Variants in ODF2L observed in about 807,000 individuals in gnomAD.
ODF2L encodes protein BCAP.
ODF2L carries 76 observed loss-of-function variants against 86.3 expected under a neutral mutation model. That is an observed-to-expected ratio of 0.88 (90% CI 0.73 to 1.07). ODF2L has a LOEUF of 1.07. ODF2L is among the 50% of genes least tolerant of loss of function. The probability of loss-of-function intolerance (pLI) is 0.00; values close to 1 mark genes in which losing one functional copy is unlikely to be tolerated. For synonymous variants in ODF2L, 241 were observed against 231.3 expected, an observed-to-expected ratio of 1.04 and a Z score of -0.38; for missense variants, 748 against 717.4, an observed-to-expected ratio of 1.04 and a Z score of -0.49.
chr1:86,381,183 T>C (rs1196530445), intron 7 of ODF2L, among the ~76,000 whole-genome samples: 1 of 152,114 alleles, frequency 6.6e-6, no homozygotes, highest in Non-Finnish European at 1.5e-5. Context: ...CATAGCAAAA[T>C]TTTAGGATTT....
At chr1:86,382,801 T>C (rs927479695) in intron 6 of ODF2L, 130 bp downstream of exon 6, 77 of 631,616 alleles carry the variant, frequency 1.2e-4, no homozygotes, top group Non-Finnish European at 1.9e-4. Context: ...ACCTGTAAAA[T>C]ATCCAAATAA....
At chr1:86,379,286 C>T (rs533342156) in intron 7 of ODF2L, among the ~76,000 whole-genome samples, 66 of 152,294 alleles carry the variant, frequency 4.3e-4, no homozygotes, top group African/African-American at 1.4e-3. Flanking sequence ...ATCCTCTACA[C>T]ATTGGGGACC....
intron 7 of ODF2L, 40 bp downstream of exon 7, chr1:86,382,202 T>C (rs1660632983): frequency 1.3e-6 from 2 of 1,518,300 alleles, no homozygotes; most frequent in Non-Finnish European, 1.8e-6. Context: ...ATTAATTTTA[T>C]CACTTAAGCT....
At chr1:86,383,377 T>C (rs1178441572) in intron 4 of ODF2L, among the ~76,000 whole-genome samples, 181 bp from the exon 5 acceptor site, 5 of 151,860 alleles carry the variant, frequency 3.3e-5, no homozygotes, top group African/African-American at 1.2e-4. Flanking sequence ...CTGCAATTTA[T>C]GAAATTAGTT....
chr1:86,366,431 CACAT>C (rs71687334), intron 11 of ODF2L, among the ~76,000 whole-genome samples: 9,716 of 129,904 alleles, frequency 0.075, 445 homozygotes, highest in African/African-American at 0.18. Flanking sequence ...CACACACACA[CACAT>C]ACACATACAC....
chr1:86,387,183 AAC>A, intron 1 of ODF2L, 97 bp from the exon 2 acceptor site: 1 of 461,884 alleles, frequency 2.2e-6, no homozygotes, highest in Non-Finnish European at 3.8e-6. Context: ...GTAAAAGAAT[AAC>A]ATTTCAAAGA....
chr1:86,367,169 G>C (rs568054513), intron 11 of ODF2L, among the ~76,000 whole-genome samples: 1 of 152,260 alleles, frequency 6.6e-6, no homozygotes, highest in Non-Finnish European at 1.5e-5. Flanking sequence ...GAAAACCATG[G>C]AGCAAAGCCT....
intron 11 of ODF2L, among the ~76,000 whole-genome samples, chr1:86,363,434 T>C (rs1659182520): frequency 1.3e-5 from 2 of 152,174 alleles, no homozygotes; most frequent in African/African-American, 2.4e-5. Context: ...TTGGAGAGAT[T>C]TGTTTTAAAA....
intron 1 of ODF2L, among the ~76,000 whole-genome samples, chr1:86,394,400 A>G (rs1661555122): frequency 7.1e-6 from 1 of 141,038 alleles, no homozygotes; most frequent in Non-Finnish European, 1.5e-5. Flanking sequence ...CGGCAGAGCG[A>G]GACTCCATCT....
intron 8 of ODF2L, among the ~76,000 whole-genome samples, chr1:86,373,633 A>G (rs1052549975): frequency 5.3e-5 from 8 of 151,982 alleles, no homozygotes; most frequent in African/African-American, 1.9e-4. Flanking sequence ...TTCATGCTCT[A>G]TAGAGAGAAG....
downstream of ODF2L, chr1:86,349,185 T>C: frequency 6.1e-6 from 1 of 163,010 alleles, no homozygotes; most frequent in Non-Finnish European, 1.3e-5. Context: ...TAACATGATA[T>C]ATTTTCATAC....
chr1:86,355,927 A>C (rs1658528286), intron 14 of ODF2L: 1 of 163,438 alleles, frequency 6.1e-6, no homozygotes, highest in African/African-American at 2.4e-5. Context: ...AATTAAAAAA[A>C]TATTGAGTGC....
chr1:86,384,756 T>G (rs769743076), exon 4 of ODF2L: 1 of 1,527,972 alleles, frequency 6.5e-7, no homozygotes, highest in South Asian at 1.3e-5. Context: ...TTTATTAATA[T>G]TTCCTTCTGT....
intron 11 of ODF2L, among the ~76,000 whole-genome samples, chr1:86,361,948 G>T (rs1659066489): frequency 6.6e-6 from 1 of 152,162 alleles, no homozygotes; most frequent in Non-Finnish European, 1.5e-5. Flanking sequence ...AGAACAAGCA[G>T]TAAAATACAT....
chr1:86,392,971 G>T (rs1661435596), intron 1 of ODF2L, among the ~76,000 whole-genome samples: 1 of 152,090 alleles, frequency 6.6e-6, no homozygotes, highest in Non-Finnish European at 1.5e-5. Context: ...GTGCTTGTAG[G>T]CTATGCTGAT....
intron 1 of ODF2L, among the ~76,000 whole-genome samples, chr1:86,387,873 T>C (rs143298758): frequency 1.3e-5 from 2 of 152,270 alleles, no homozygotes; most frequent in East Asian, 1.9e-4. Flanking sequence ...CTACATTTTT[T>C]TGGATATTTA....
intron 11 of ODF2L, among the ~76,000 whole-genome samples, chr1:86,365,550 G>A (rs924485073): frequency 6.6e-6 from 1 of 152,162 alleles, no homozygotes; most frequent in African/African-American, 2.4e-5. Flanking sequence ...CTATCAGAGA[G>A]AATTTCCTAG....
chr1:86,348,709 A>G, downstream of ODF2L: 1 of 1,369,718 alleles, frequency 7.3e-7, no homozygotes, highest in African/African-American at 1.5e-5. Context: ...TTTTAGACTC[A>G]TAATAAAAAT....
exon 10 of ODF2L, chr1:86,371,089 C>T: frequency 6.4e-7 from 1 of 1,558,168 alleles, no homozygotes; most frequent in Admixed American, 1.8e-5. Context: ...CTAAGAATTT[C>T]TTCACATGAA....
Sources: allele counts gnomAD v4.1 joint callset (sites outside exome capture counted in the v4.1 genomes callset), GRCh38; gene constraint gnomAD v4.1.1; transcripts MANE v1.5; gene names NCBI Gene and HGNC (gene_info 2026-07-23, HGNC 2026-07-21).